MALRD1: variants seen among roughly 807,000 people sequenced by gnomAD.
The protein encoded by MALRD1 is MAM and LDL receptor class A domain containing 1.
A neutral mutation model predicts 242.1 loss-of-function variants in MALRD1; 247 were observed. The ratio of observed to expected loss-of-function variants is 1.02; its 90% CI spans 0.92 to 1.13. The LOEUF is 1.13. MALRD1 is among the 50% of genes most tolerant of loss of function. The pLI, the probability that MALRD1 is intolerant of heterozygous loss-of-function variation, is 0.00. For synonymous variants in MALRD1, 995 were observed against 866.6 expected, an observed-to-expected ratio of 1.15 and a Z score of -2.60; for missense variants, 2,989 against 2,533.1, an observed-to-expected ratio of 1.18 and a Z score of -3.86.
intron 11 of MALRD1, among the ~76,000 whole-genome samples, chr10:19,152,649 T>C (rs1417074914): frequency 6.6e-6 from 1 of 152,154 alleles, no homozygotes; most frequent in African/African-American, 2.4e-5. Context: ...TAAGATAAGA[T>C]AAGTAATTGT....
At chr10:19,610,321 C>A (rs887964584) in intron 35 of MALRD1, among the ~76,000 whole-genome samples, 1 of 151,866 alleles carries the variant, frequency 6.6e-6, no homozygotes, top group East Asian at 1.9e-4. Context: ...AAAACTTATT[C>A]CTTCTATCTA....
chr10:19,275,932 G>A (rs1840499674), intron 19 of MALRD1, among the ~76,000 whole-genome samples: 1 of 152,048 alleles, frequency 6.6e-6, no homozygotes, highest in Non-Finnish European at 1.5e-5. Context: ...TGTTTTTTAA[G>A]ACTTTTACTG....
intron 31 of MALRD1, among the ~76,000 whole-genome samples, chr10:19,518,619 G>A (rs1459064403): frequency 2.0e-5 from 3 of 151,584 alleles, no homozygotes; most frequent in Admixed American, 6.6e-5. Context: ...TCCAAATTTT[G>A]TATTAATTGT....
chr10:19,435,665 C>T (rs1834324918), intron 28 of MALRD1, among the ~76,000 whole-genome samples: 1 of 152,104 alleles, frequency 6.6e-6, no homozygotes, highest in Admixed American at 6.6e-5. Context: ...TATCAAAATG[C>T]AAGGTCATGG....
rs78619973 is a variant in MALRD1, at chr10:19,445,365, C to T, written c.4846-4942C>T. 6.6e-5 allele frequency among the ~76,000 whole-genome samples: 10 copies of T among 152,128 alleles called. No homozygotes were observed. The East Asian group carries it at 7.7e-4, about 12-fold the overall frequency. ...TTGTTCCGTTGCTGACTAGGAGCTG[C>T]GTTCCTTTGGAGGAGAAGAGACACT... is the stretch of plus-strand genomic sequence containing the variant. On this transcript the variant is annotated intron_variant, in intron 28 of 39. Coordinates refer to ENST00000454679, the MANE Select transcript of MALRD1 (RefSeq NM_001142308.3).
chr10:19,734,069 C>A, intron 39 of MALRD1, 88 bp from the exon 40 acceptor site: 15 of 996,384 alleles, frequency 1.5e-5, no homozygotes, highest in Non-Finnish European at 2.1e-5. Context: ...TCCATTGGGA[C>A]CTTTGCTGCA....
chr10:19,343,808 C>T (rs980270575), intron 24 of MALRD1, among the ~76,000 whole-genome samples: 9 of 152,058 alleles, frequency 5.9e-5, no homozygotes, highest in African/African-American at 2.2e-4. Flanking sequence ...CAAGTGTTTC[C>T]ACGTCCTTGT....
chr10:19,207,874 A>AAT (rs906382225), intron 17 of MALRD1, among the ~76,000 whole-genome samples: 10 of 152,318 alleles, frequency 6.6e-5, no homozygotes, highest in Admixed American at 4.6e-4. Context: ...CAATTATAAC[A>AAT]ATATGCCTGC....
At chr10:19,595,949 G>C (rs1380948130) in intron 34 of MALRD1, among the ~76,000 whole-genome samples, 1 of 152,178 alleles carries the variant, frequency 6.6e-6, no homozygotes, top group African/African-American at 2.4e-5. Flanking sequence ...AAGAGTTCAT[G>C]GGATAATGCA....
At chr10:19,079,459 G>A (rs1203082462) in intron 2 of MALRD1, among the ~76,000 whole-genome samples, 2 of 151,796 alleles carry the variant, frequency 1.3e-5, no homozygotes, top group Non-Finnish European at 2.9e-5. Context: ...TTTTGTTGTT[G>A]GGTGGAGCAA....
At chr10:19,144,827 G>C (rs920579967) in intron 10 of MALRD1, among the ~76,000 whole-genome samples, 4 of 131,990 alleles carry the variant, frequency 3.0e-5, no homozygotes, top group Admixed American at 7.9e-5. Flanking sequence ...ACTATGTAGA[G>C]TGTTAAGAAT....
intron 38 of MALRD1, among the ~76,000 whole-genome samples, chr10:19,720,618 C>A (rs865848327): frequency 6.6e-6 from 1 of 152,140 alleles, no homozygotes; most frequent in African/African-American, 2.4e-5. Flanking sequence ...CGTCTTGTTA[C>A]CTTTGCCTCA....
chr10:19,305,578 G>A (rs1475259413), intron 21 of MALRD1, among the ~76,000 whole-genome samples: 1 of 150,734 alleles, frequency 6.6e-6, no homozygotes, highest in Non-Finnish European at 1.5e-5. Flanking sequence ...GCAATTATTG[G>A]GCAGCTTGAC....
In MALRD1 at chr10:19,376,542, C is replaced by CATTTTTTTTTTTTTTTTTTTTTTTT. The variant is rs1554842468; in HGVS notation, c.4442-10986_4442-10985insATTTTTTTTTTTTTTTTTTTTTTTT. 2.6e-4 allele frequency among the ~76,000 whole-genome samples: 25 copies of CATTTTTTTTTTTTTTTTTTTTTTTT among 94,992 alleles called. 6 individuals are homozygous for CATTTTTTTTTTTTTTTTTTTTTTTT. Among genetic ancestry groups the CATTTTTTTTTTTTTTTTTTTTTTTT allele is most frequent in the Non-Finnish European group, 2.5e-4 (12 of 48,166 alleles). 62.3% of individuals were successfully genotyped at this position (94,992 alleles called of 152,430 possible). A position where few individuals can be genotyped will look rare whatever the true frequency, so the allele number is the denominator to read the frequency against. On this transcript the variant is annotated intron_variant, in intron 26 of 39. Transcript: ENST00000454679. ...TTGAAAGTCAAGGAGTTGATACATT[C>CATTTTTTTTTTTTTTTTTTTTTTTT]TTTTTTTTTTTTTTTTTTTTTTTTT...
chr10:19,401,017 G>A (rs1270663414), intron 28 of MALRD1, among the ~76,000 whole-genome samples: 2 of 151,504 alleles, frequency 1.3e-5, no homozygotes, highest in Non-Finnish European at 2.9e-5. Context: ...CTATGTCTCA[G>A]AAATAAAAAA....
chr10:19,728,724 A>G (rs1218245439), intron 38 of MALRD1, among the ~76,000 whole-genome samples: 1 of 151,714 alleles, frequency 6.6e-6, no homozygotes, highest in Non-Finnish European at 1.5e-5. Context: ...GATCATCCCT[A>G]CTTCCATGTC....
intron 38 of MALRD1, among the ~76,000 whole-genome samples, chr10:19,694,247 G>A (rs1268186790): frequency 6.6e-6 from 1 of 152,136 alleles, no homozygotes; most frequent in Non-Finnish European, 1.5e-5. Flanking sequence ...AAACTAAAGA[G>A]CTTCTGCACA....
intron 38 of MALRD1, among the ~76,000 whole-genome samples, chr10:19,699,153 A>T (rs764239619): frequency 4.1e-4 from 63 of 151,984 alleles, no homozygotes; most frequent in Admixed American, 7.9e-4. Flanking sequence ...GCACATGTAT[A>T]CCTGTGTAAA....
intron 21 of MALRD1, among the ~76,000 whole-genome samples, chr10:19,306,111 A>G (rs1304942759): frequency 9.0e-6 from 1 of 111,684 alleles, no homozygotes; most frequent in Non-Finnish European, 1.7e-5. Context: ...GATAGTATAT[A>G]TATACTATCT....
Sources: allele counts gnomAD v4.1 joint callset (sites outside exome capture counted in the v4.1 genomes callset), GRCh38; gene constraint gnomAD v4.1.1; transcripts MANE v1.5; gene names NCBI Gene and HGNC (gene_info 2026-07-23, HGNC 2026-07-21).